Variants in KCTD16 observed in about 807,000 individuals in gnomAD.
KCTD16 encodes potassium channel tetramerization domain containing 16, also known as BTB/POZ domain-containing protein KCTD16.
In KCTD16, 13 loss-of-function variants were observed where a neutral mutation model predicts 33.2. That is an observed-to-expected ratio of 0.39 (90% CI 0.25 to 0.62). KCTD16 has a LOEUF of 0.62. Ranked by LOEUF, KCTD16 falls within the 20% of genes least tolerant of loss-of-function variation. The pLI is 0.50. For synonymous variants in KCTD16, 197 were observed against 195.3 expected, an observed-to-expected ratio of 1.01 and a Z score of -0.07; for missense variants, 441 against 525.1, an observed-to-expected ratio of 0.84 and a Z score of 1.57.
In KCTD16 at chr5:144,327,838, C is replaced by T. The variant is rs1257587692; in HGVS notation, c.832+120292C>T. ...TTTATAATTTATAATTATTTGGGTT[C>T]CTAATTACAAACACTTTGCTGGTTT... On this transcript the variant is annotated intron_variant, in intron 3 of 3. Coordinates refer to ENST00000512467, the MANE Select transcript of KCTD16 (RefSeq NM_020768.4). 4.8e-4 allele frequency among the ~76,000 whole-genome samples: 73 copies of T among 152,042 alleles called. 1 individual carries two copies. Among genetic ancestry groups the T allele is most frequent in the Admixed American group, 4.8e-3 (73 of 15,252 alleles).
chr5:144,219,428 G>A (rs1290935954), intron 3 of KCTD16, among the ~76,000 whole-genome samples: 1 of 149,950 alleles, frequency 6.7e-6, no homozygotes, highest in East Asian at 2.0e-4. Context: ...TGGCCAGGCT[G>A]GTCTCAAACT....
chr5:144,415,424 G>A (rs1017683085), intron 3 of KCTD16, among the ~76,000 whole-genome samples: 5 of 152,142 alleles, frequency 3.3e-5, no homozygotes, highest in African/African-American at 1.2e-4. Flanking sequence ...GGGATGAGGA[G>A]GGACTGGGAC....
intron 3 of KCTD16, among the ~76,000 whole-genome samples, chr5:144,343,522 A>C (rs1383593697): frequency 1.3e-5 from 2 of 151,980 alleles, no homozygotes; most frequent in Non-Finnish European, 2.9e-5. Flanking sequence ...GATCCTTTCA[A>C]AAAACCAGCT....
chr5:144,452,678 C>A (rs1393703401), intron 3 of KCTD16, among the ~76,000 whole-genome samples: 2 of 151,622 alleles, frequency 1.3e-5, no homozygotes, highest in Non-Finnish European at 2.9e-5. Context: ...GACCAGTTGA[C>A]CTTGGTCATT....
At chr5:144,332,311 C>A (rs1752380882) in intron 3 of KCTD16, among the ~76,000 whole-genome samples, 1 of 152,024 alleles carries the variant, frequency 6.6e-6, no homozygotes, top group African/African-American at 2.4e-5. Flanking sequence ...ATGACTCAGG[C>A]AAGGCGCAGG....
intron 3 of KCTD16, among the ~76,000 whole-genome samples, chr5:144,302,044 T>C (rs1751456839): frequency 6.6e-6 from 1 of 152,236 alleles, no homozygotes; most frequent in African/African-American, 2.4e-5. Flanking sequence ...TTAGGTTTTA[T>C]TACTATCCCC....
At chr5:144,218,924 C>T (rs1278895317) in intron 3 of KCTD16, among the ~76,000 whole-genome samples, 2 of 152,208 alleles carry the variant, frequency 1.3e-5, no homozygotes, top group African/African-American at 4.8e-5. Flanking sequence ...ACTTTCTAAT[C>T]ACTTTTAATC....
At chr5:144,410,512 A>G (rs1752910144) in intron 3 of KCTD16, among the ~76,000 whole-genome samples, 1 of 152,174 alleles carries the variant, frequency 6.6e-6, no homozygotes, top group South Asian at 2.1e-4. Flanking sequence ...ATAGAAACTA[A>G]TACTAGATTG....
At chr5:144,247,248 G>T (rs970290374) in intron 3 of KCTD16, among the ~76,000 whole-genome samples, 1 of 152,144 alleles carries the variant, frequency 6.6e-6, no homozygotes, top group African/African-American at 2.4e-5. Context: ...TTCCAAGACT[G>T]GGTAATGAAA....
chr5:144,421,379 A>T (rs1428663465), intron 3 of KCTD16, among the ~76,000 whole-genome samples: 1 of 152,106 alleles, frequency 6.6e-6, no homozygotes, highest in Non-Finnish European at 1.5e-5. Context: ...GTGTAAATCT[A>T]TTGTCCTGGG....
intron 3 of KCTD16, among the ~76,000 whole-genome samples, chr5:144,446,737 A>T (rs571034565): frequency 1.3e-5 from 2 of 152,226 alleles, no homozygotes; most frequent in African/African-American, 4.8e-5. Flanking sequence ...CCATCAAAAA[A>T]TGGGCAAAGA....
At chr5:144,203,510 A>G (rs546939738) in intron 2 of KCTD16, among the ~76,000 whole-genome samples, 14 of 152,110 alleles carry the variant, frequency 9.2e-5, no homozygotes, top group African/African-American at 3.4e-4. Context: ...GAAGTGCTGA[A>G]CCTCTCTGTT....
intron 3 of KCTD16, among the ~76,000 whole-genome samples, chr5:144,431,323 A>C (rs1253145144): frequency 6.6e-6 from 1 of 152,190 alleles, no homozygotes; most frequent in Non-Finnish European, 1.5e-5. Context: ...TAATTGTGTT[A>C]CATAGTAACT....
At chr5:144,280,664 C>G (rs1376011748) in intron 3 of KCTD16, among the ~76,000 whole-genome samples, 1 of 152,214 alleles carries the variant, frequency 6.6e-6, no homozygotes, top group East Asian at 1.9e-4. Context: ...GTGGCTCACG[C>G]CTGTAATCCC....
chr5:144,259,220 T>G lies in KCTD16; in HGVS notation c.832+51674T>G, dbSNP rs1754935299. On this transcript the variant is annotated intron_variant, in intron 3 of 3. Transcript: ENST00000512467. The stretch of plus-strand genomic sequence containing the variant: ...TTGCAGTTAGCCGAGATCGCGCCGC[T>G]GCACTCCAGGCTGGATGACAGAGCG... Among the ~76,000 whole-genome samples, 4 of 122,750 alleles carry G rather than the reference T, an allele frequency of 3.3e-5. No individual in the cohort carries two copies. In the South Asian group the frequency reaches 1.1e-3, roughly 32 times the overall value. The allele number at this position is 122,750 out of a possible 152,430, so 80.5% of individuals were successfully genotyped here.
At chr5:144,440,841 T>C (rs1753688554) in intron 3 of KCTD16, among the ~76,000 whole-genome samples, 1 of 152,074 alleles carries the variant, frequency 6.6e-6, no homozygotes, top group Non-Finnish European at 1.5e-5. Flanking sequence ...GCTGCACCCA[T>C]TAACTCATCA....
chr5:144,354,147 A>G (rs1751515119), intron 3 of KCTD16, among the ~76,000 whole-genome samples: 1 of 152,144 alleles, frequency 6.6e-6, no homozygotes, highest in Non-Finnish European at 1.5e-5. Flanking sequence ...TACCATAAAC[A>G]TGATTCTACA....
intron 2 of KCTD16, among the ~76,000 whole-genome samples, chr5:144,197,689 T>C (rs993294726): frequency 6.6e-6 from 1 of 152,218 alleles, no homozygotes; most frequent in Non-Finnish European, 1.5e-5. Context: ...CCAAATAATT[T>C]GGGTGTAGTG....
intron 3 of KCTD16, among the ~76,000 whole-genome samples, chr5:144,306,885 G>A (rs1223322727): frequency 6.6e-6 from 1 of 152,160 alleles, no homozygotes; most frequent in African/African-American, 2.4e-5. Flanking sequence ...GGGACAACAC[G>A]TTCAAGTCCA....
Sources: gnomAD v4.1 joint callset for allele counts (sites outside exome capture counted in the v4.1 genomes callset) on GRCh38, gnomAD v4.1.1 for gene constraint, MANE v1.5 for transcripts, NCBI Gene and HGNC (gene_info 2026-07-23, HGNC 2026-07-21) for gene names.